The following RBL1 variants were observed in gnomAD, a reference collection of about 807,000 sequenced individuals.
RBL1 encodes the protein RB transcriptional corepressor like 1.
A neutral mutation model predicts 123.0 loss-of-function variants in RBL1; 82 were observed. That is an observed-to-expected ratio of 0.67 (90% CI 0.56 to 0.80). The LOEUF is 0.80. Ranked by LOEUF, RBL1 falls within the 30% of genes least tolerant of loss-of-function variation. The pLI, the probability that RBL1 is intolerant of heterozygous loss-of-function variation, is 0.00. For synonymous variants in RBL1, 405 were observed against 441.3 expected, an observed-to-expected ratio of 0.92 and a Z score of 1.03; for missense variants, 1,171 against 1,299.6, an observed-to-expected ratio of 0.90 and a Z score of 1.52.
chr20:37,041,202 C>T (rs914295947), intron 13 of RBL1, among the ~76,000 whole-genome samples: 4 of 152,018 alleles, frequency 2.6e-5, no homozygotes, highest in Admixed American at 1.3e-4. Flanking sequence ...TCAAAAGACA[C>T]GAGTTACAAA....
chr20:37,020,672 TGG>T lies in RBL1; in HGVS notation c.2616_2617del (p.Gln873SerfsTer2). 1 of 1,585,482 alleles carries T rather than the reference TGG, an allele frequency of 6.3e-7. No individual in the cohort carries two copies. Among genetic ancestry groups the T allele is most frequent in the Non-Finnish European group, 8.6e-7 (1 of 1,163,146 alleles). On this transcript the variant is annotated frameshift_variant, in exon 18 of 22. Coordinates refer to ENST00000373664, the MANE Select transcript of RBL1 (RefSeq NM_002895.5). LOFTEE classifies it high-confidence loss of function. ...AATGTAACTCACGTGACTATTAGCT[TGG>T]GGCTGATTCCTATAACTTTTCATAA... is the stretch of plus-strand genomic sequence containing the variant.
chr20:37,075,779 A>C (rs1300994542), intron 2 of RBL1, among the ~76,000 whole-genome samples: 1 of 152,178 alleles, frequency 6.6e-6, no homozygotes, highest in Non-Finnish European at 1.5e-5. Flanking sequence ...TTCTAGAGGC[A>C]ATTTGGCAAC....
chr20:37,009,555 T>TC (rs1228058634), intron 19 of RBL1, among the ~76,000 whole-genome samples: 2 of 152,082 alleles, frequency 1.3e-5, no homozygotes, highest in Admixed American at 1.3e-4. Flanking sequence ...AGACAGGGTC[T>TC]CCCTATGTTT....
At chr20:37,037,172 C>T (rs759404883) in intron 14 of RBL1, among the ~76,000 whole-genome samples, 16 of 152,148 alleles carry the variant, frequency 1.1e-4, no homozygotes, top group Non-Finnish European at 1.9e-4. Context: ...AAGAAATCCA[C>T]GCAAGCCCTT....
chr20:37,078,826 A>G (rs1228332833), intron 2 of RBL1, among the ~76,000 whole-genome samples: 3 of 150,400 alleles, frequency 2.0e-5, no homozygotes, highest in South Asian at 2.1e-4. Context: ...ATATTTTCCT[A>G]TGTAAGGCTT....
At chr20:37,001,499 C>T (rs2063979839) in intron 21 of RBL1, among the ~76,000 whole-genome samples, 1 of 151,692 alleles carries the variant, frequency 6.6e-6, no homozygotes, top group Non-Finnish European at 1.5e-5. Context: ...GCTATGTCCA[C>T]TCAGGGTTGA....
intron 20 of RBL1, among the ~76,000 whole-genome samples, 200 bp from the exon 21 acceptor site, chr20:37,004,066 G>C (rs1398165849): frequency 6.8e-6 from 1 of 147,656 alleles, no homozygotes; most frequent in Admixed American, 6.7e-5. Context: ...TTATTTTCCT[G>C]AATCTTTTTT....
At chr20:37,069,333 T>C (rs1053234798) in intron 2 of RBL1, among the ~76,000 whole-genome samples, 2 of 141,376 alleles carry the variant, frequency 1.4e-5, no homozygotes, top group African/African-American at 5.4e-5. Context: ...TCTGCCTGGC[T>C]GCCCAGTCTG....
At chr20:37,042,806 GGGA>G (rs2064749381) in intron 13 of RBL1, among the ~76,000 whole-genome samples, 1 of 151,404 alleles carries the variant, frequency 6.6e-6, no homozygotes, top group South Asian at 2.1e-4. Context: ...GAAGGCTGTG[GGGA>G]GATCATTTGT....
intron 2 of RBL1, among the ~76,000 whole-genome samples, chr20:37,083,797 C>T (rs576790925): frequency 3.3e-5 from 5 of 151,328 alleles, no homozygotes; most frequent in Non-Finnish European, 7.4e-5. Flanking sequence ...GAGCAAGATT[C>T]TAGCTCAAAA....
Position 37,066,843 on chromosome 20 carries a change from C to T in RBL1, c.727G>A (p.Glu243Lys), listed in dbSNP as rs757166395. 4.0e-5 allele frequency: 64 copies of T among 1,613,580 alleles called. No homozygotes were observed. Among genetic ancestry groups the T allele is most frequent in the Non-Finnish European group, 5.3e-5 (62 of 1,179,906 alleles). The change falls in exon 6 of 22, where the codon GAA becomes AAA. Residue 243 changes from glutamate (E) to lysine (K), a missense_variant. Physicochemically the swap from Glu to Lys is moderately conservative, Grantham distance 56. Coordinates refer to ENST00000373664, the MANE Select transcript of RBL1 (RefSeq NM_002895.5). ...DFHTADFTAS[E>K]EPPCIIAVLC... ...ACAGCAATGATGCAGGGTGGCTCTT[C>T]AGAAGCCGTAAAGTCAGCAGTATGA...
intron 11 of RBL1, among the ~76,000 whole-genome samples, chr20:37,054,005 T>C (rs903315270): frequency 6.8e-6 from 1 of 147,002 alleles, no homozygotes; most frequent in African/African-American, 2.5e-5. Context: ...TTATGGTTAA[T>C]CTATGCATAT....
intron 14 of RBL1, 46 bp downstream of exon 14, chr20:37,040,107 A>G: frequency 6.2e-7 from 1 of 1,602,632 alleles, no homozygotes; most frequent in African/African-American, 1.3e-5. Context: ...AAAAAAGCCA[A>G]ATGCCCTTTG....
chr20:37,073,634 G>T (rs989547575), intron 2 of RBL1, among the ~76,000 whole-genome samples: 1 of 145,924 alleles, frequency 6.9e-6, no homozygotes, highest in African/African-American at 2.5e-5. Context: ...GGAGGTCAAG[G>T]CTGCAGTGAG....
At chr20:37,014,410 T>C (rs542129432) in intron 19 of RBL1, among the ~76,000 whole-genome samples, 12 of 152,276 alleles carry the variant, frequency 7.9e-5, no homozygotes, top group Non-Finnish European at 1.6e-4. Context: ...GAGTTCATTA[T>C]CACTGGATAT....
chr20:37,016,021 GTTTTTTTTT>G (rs1205524942), intron 19 of RBL1, among the ~76,000 whole-genome samples: 1 of 112,502 alleles, frequency 8.9e-6, no homozygotes, highest in African/African-American at 3.3e-5. Flanking sequence ...GTGCCCAGCG[GTTTTTTTTT>G]TTTTTTTTTT....
chr20:37,072,666 C>T (rs754965093), intron 2 of RBL1, among the ~76,000 whole-genome samples: 2 of 152,136 alleles, frequency 1.3e-5, no homozygotes, highest in Non-Finnish European at 2.9e-5. Context: ...TCAGATACAT[C>T]TGCTTGAGAT....
At chr20:37,003,585 T>G in intron 21 of RBL1, 117 bp downstream of exon 21, 1 of 1,354,170 alleles carries the variant, frequency 7.4e-7, no homozygotes, top group Non-Finnish European at 9.6e-7. Flanking sequence ...ATAGTTAACA[T>G]TTCATATTTT....
At chr20:37,000,611 GC>G (rs1314110547) in intron 21 of RBL1, among the ~76,000 whole-genome samples, 1 of 141,760 alleles carries the variant, frequency 7.1e-6, no homozygotes, top group Non-Finnish European at 1.5e-5. Flanking sequence ...TCAGCCCCGG[GC>G]CCGGCCAGCC....
Sources: allele counts gnomAD v4.1 joint callset (sites outside exome capture counted in the v4.1 genomes callset), GRCh38; gene constraint gnomAD v4.1.1; transcripts MANE v1.5; gene names NCBI Gene and HGNC (gene_info 2026-07-23, HGNC 2026-07-21).